Variants in SUGCT observed in about 807,000 individuals in gnomAD.
SUGCT encodes succinyl-CoA:glutarate-CoA transferase.
A neutral mutation model predicts 55.0 loss-of-function variants in SUGCT; 41 were observed. The observed-to-expected ratio is 0.74, with a 90% CI of 0.58 to 0.97. The LOEUF is 0.97. Ranked by LOEUF, SUGCT falls within the 50% of genes least tolerant of loss-of-function variation. The probability of loss-of-function intolerance (pLI) is 0.00; values close to 1 mark genes in which losing one functional copy is unlikely to be tolerated. For missense variants in SUGCT, 568 were observed against 547.8 expected (o/e 1.04, Z -0.37); for synonymous variants, 187 against 200.4 (o/e 0.93, Z 0.56).
At chr7:40,186,153 C>G (rs1562561387) in intron 3 of SUGCT, among the ~76,000 whole-genome samples, 1 of 140,988 alleles carries the variant, frequency 7.1e-6, no homozygotes, top group Admixed American at 7.0e-5. Context: ...CTCTCTCCTT[C>G]TTTTCCTTCC....
chr7:40,660,492 C>T (rs1172397076), intron 12 of SUGCT, among the ~76,000 whole-genome samples: 2 of 152,072 alleles, frequency 1.3e-5, no homozygotes, highest in African/African-American at 4.8e-5. Flanking sequence ...CTCCTGATCT[C>T]GTGATCTGCC....
At chr7:40,135,207 C>T (rs919486087) in intron 1 of SUGCT, 87 bp downstream of exon 1, 3 of 1,412,484 alleles carry the variant, frequency 2.1e-6, no homozygotes, top group African/African-American at 1.5e-5. Flanking sequence ...CAATTAGGGT[C>T]TGAAGTCTCT....
chr7:40,400,382 C>G (rs755709946), intron 9 of SUGCT, among the ~76,000 whole-genome samples: 4 of 152,146 alleles, frequency 2.6e-5, no homozygotes, highest in Non-Finnish European at 4.4e-5. Context: ...GCTTACAGTC[C>G]TGGCTGAAGG....
chr7:40,286,614 T>G (rs1793360521), intron 8 of SUGCT, among the ~76,000 whole-genome samples: 1 of 152,154 alleles, frequency 6.6e-6, no homozygotes, highest in Non-Finnish European at 1.5e-5. Context: ...TTGTAGAACA[T>G]GTGAAACTTT....
intron 12 of SUGCT, among the ~76,000 whole-genome samples, chr7:40,579,074 A>C (rs932347543): frequency 6.6e-6 from 1 of 152,182 alleles, no homozygotes; most frequent in African/African-American, 2.4e-5. Flanking sequence ...AACAACAGAC[A>C]AAATAGTAAT....
At chr7:40,304,411 A>T (rs894836612) in intron 8 of SUGCT, among the ~76,000 whole-genome samples, 2 of 151,458 alleles carry the variant, frequency 1.3e-5, no homozygotes, top group African/African-American at 4.8e-5. Flanking sequence ...TTTTTAATTT[A>T]AATTTAAATT....
chr7:40,898,309 C>T, the SUGCT span, among the ~76,000 whole-genome samples: 6 of 152,148 alleles, frequency 3.9e-5, no homozygotes, highest in South Asian at 8.3e-4. Context: ...TGCTGCTTTG[C>T]TGCGTTTAAG....
At chr7:40,410,684 G>A (rs1279003008) in intron 9 of SUGCT, among the ~76,000 whole-genome samples, 1 of 152,070 alleles carries the variant, frequency 6.6e-6, no homozygotes. Context: ...TTCTCTAGGA[G>A]GCATAGGTGG....
intron 12 of SUGCT, among the ~76,000 whole-genome samples, chr7:40,610,354 T>G (rs894370221): frequency 1.3e-5 from 2 of 152,246 alleles, no homozygotes; most frequent in Non-Finnish European, 2.9e-5. Flanking sequence ...TTGCTTTGAC[T>G]ACCAGGAAGC....
At chr7:40,171,520 A>G (rs1440536082) in intron 1 of SUGCT, among the ~76,000 whole-genome samples, 1 of 152,230 alleles carries the variant, frequency 6.6e-6, no homozygotes, top group Non-Finnish European at 1.5e-5. Context: ...TGCTGGGTTA[A>G]GGGAATTTTC....
At chr7:40,610,407 T>C (rs1032172453) in intron 12 of SUGCT, among the ~76,000 whole-genome samples, 3 of 152,242 alleles carry the variant, frequency 2.0e-5, no homozygotes, top group African/African-American at 7.2e-5. Flanking sequence ...CTTTGTGATA[T>C]ATTTTTTAGC....
intron 13 of SUGCT, among the ~76,000 whole-genome samples, chr7:40,857,200 G>T (rs968046369): frequency 2.0e-5 from 3 of 152,078 alleles, no homozygotes; most frequent in Non-Finnish European, 4.4e-5. Flanking sequence ...CATTTTCTTT[G>T]GACCTTCGAT....
chr7:40,435,871 C>G lies in SUGCT; in HGVS notation c.817-13416C>G, dbSNP rs567960780. Among the ~76,000 whole-genome samples, 122 of 151,968 alleles carry G rather than the reference C, an allele frequency of 8.0e-4. 1 individual carries two copies. Among genetic ancestry groups the G allele is most frequent in the African/African-American group, 2.9e-3 (121 of 41,446 alleles). On this transcript the variant is annotated intron_variant, in intron 9 of 13. Coordinates refer to ENST00000335693, the MANE Select transcript of SUGCT (RefSeq NM_001193313.2). Reference sequence around the variant, plus strand: ...CATTTAACTACTGTGAGTTTCAAGACTTTTGCTATCAAAATTTTTCATCTC... The same window carrying G: ...CATTTAACTACTGTGAGTTTCAAGAGTTTTGCTATCAAAATTTTTCATCTC...
At chr7:40,715,020 A>G (rs1785944758) in intron 12 of SUGCT, among the ~76,000 whole-genome samples, 1 of 152,170 alleles carries the variant, frequency 6.6e-6, no homozygotes, top group Non-Finnish European at 1.5e-5. Context: ...CACAGAGTGA[A>G]TGTGGCTTCT....
the SUGCT span, among the ~76,000 whole-genome samples, chr7:40,953,138 G>A: frequency 6.6e-6 from 1 of 152,136 alleles, no homozygotes; most frequent in African/African-American, 2.4e-5. Flanking sequence ...TTTCTTGGAG[G>A]CTTTGTTCAT....
intron 13 of SUGCT, among the ~76,000 whole-genome samples, chr7:40,798,014 C>G (rs1363080671): frequency 6.6e-6 from 1 of 152,114 alleles, no homozygotes; most frequent in East Asian, 1.9e-4. Flanking sequence ...AAACGTGCAT[C>G]CCCTTATATA....
In SUGCT at chr7:40,316,799, G is replaced by A; in HGVS notation, c.760G>A (p.Gly254Ser). Reference sequence around the variant, plus strand: ...TCACATAGCTGCAAATTATCTTATTGGTCAAAAGGAAGCAAAACGTTGGGG... The same window carrying A: ...TCACATAGCTGCAAATTATCTTATTAGTCAAAAGGAAGCAAAACGTTGGGG... ...LSHIAANYLIGQKEAKRWGTA... is the reference protein window; with the variant it reads ...LSHIAANYLISQKEAKRWGTA... Residue 254 changes from glycine to serine, a missense_variant, in exon 9 of 14, where the codon GGT (glycine) becomes AGT (serine). Physicochemically the swap from Gly to Ser is moderately conservative, Grantham distance 56. Coordinates refer to ENST00000335693, the MANE Select transcript of SUGCT (RefSeq NM_001193313.2). 1 of 1,602,894 alleles carries A rather than the reference G, an allele frequency of 6.2e-7. No homozygotes were observed. The highest frequency in any genetic ancestry group is 8.5e-7 in the Non-Finnish European group (1 of 1,174,186).
chr7:40,181,619 A>C (rs1785214485), intron 2 of SUGCT, among the ~76,000 whole-genome samples: 1 of 151,858 alleles, frequency 6.6e-6, no homozygotes, highest in South Asian at 2.1e-4. Flanking sequence ...GGTGGTGGGC[A>C]CCTGTAGTCC....
intron 6 of SUGCT, among the ~76,000 whole-genome samples, chr7:40,227,939 A>G (rs1031031600): frequency 1.3e-5 from 2 of 151,426 alleles, no homozygotes; most frequent in African/African-American, 4.9e-5. Context: ...CTGGAGTGCA[A>G]TGGCACCATC....
Sources: gnomAD v4.1 joint callset for allele counts (sites outside exome capture counted in the v4.1 genomes callset) on GRCh38, gnomAD v4.1.1 for gene constraint, MANE v1.5 for transcripts, NCBI Gene and HGNC (gene_info 2026-07-23, HGNC 2026-07-21) for gene names.